The following FNDC3A variants were observed in gnomAD, a reference collection of about 807,000 sequenced individuals.
The protein encoded by FNDC3A is fibronectin type-III domain-containing protein 3A.
In FNDC3A, 32 loss-of-function variants were observed where a neutral mutation model predicts 148.9. The ratio of observed to expected loss-of-function variants is 0.21; its 90% confidence interval spans 0.16 to 0.29. The LOEUF (loss-of-function observed/expected upper bound fraction) is 0.29, where lower values mean the gene tolerates loss of function less well. Ranked by LOEUF, FNDC3A falls within the 10% of genes least tolerant of loss-of-function variation. FNDC3A has a pLI of 1.00. For synonymous variants in FNDC3A, 472 were observed against 473.6 expected (o/e 1.00, Z 0.04); for missense variants, 1,191 against 1,452.8 (o/e 0.82, Z 2.93).
chr13:49,010,470 G>A (rs1952317412), intron 2 of FNDC3A, among the ~76,000 whole-genome samples: 1 of 152,244 alleles, frequency 6.6e-6, no homozygotes, highest in South Asian at 2.1e-4. Context: ...AGAACATCAG[G>A]AATACAGAAA....
At chr13:48,975,820 G>C (rs986536497), upstream of FNDC3A, 1 of 151,656 alleles carries the variant, frequency 6.6e-6, no homozygotes, top group Non-Finnish European at 1.5e-5. Flanking sequence ...CCCCGGCGCG[G>C]CGGGCTCGAG....
intron 2 of FNDC3A, among the ~76,000 whole-genome samples, chr13:49,071,471 TATA>T (rs1355078993): frequency 6.6e-6 from 1 of 152,188 alleles, no homozygotes; most frequent in Non-Finnish European, 1.5e-5. Flanking sequence ...CCCTAATGGC[TATA>T]ATAATTTACA....
chr13:49,165,354 A>G (rs566610042), intron 8 of FNDC3A, among the ~76,000 whole-genome samples: 5 of 152,142 alleles, frequency 3.3e-5, no homozygotes, highest in Non-Finnish European at 5.9e-5. Flanking sequence ...AGATGCATCT[A>G]TTGTGTTGGT....
At chr13:49,132,259 G>GC (rs1882081337) in intron 5 of FNDC3A, among the ~76,000 whole-genome samples, 2 of 152,008 alleles carry the variant, frequency 1.3e-5, no homozygotes, top group African/African-American at 4.8e-5. Flanking sequence ...TTCCATTCTT[G>GC]CCCTCAATAA....
At chr13:49,164,542 C>G (rs1884348539) in intron 8 of FNDC3A, among the ~76,000 whole-genome samples, 1 of 151,952 alleles carries the variant, frequency 6.6e-6, no homozygotes, top group South Asian at 2.1e-4. Context: ...ACCAAAAATT[C>G]AAATATTTGG....
chr13:49,103,841 G>C (rs1439848487), intron 3 of FNDC3A, among the ~76,000 whole-genome samples: 4 of 152,196 alleles, frequency 2.6e-5, no homozygotes, highest in African/African-American at 9.7e-5. Context: ...AACTGGTTTT[G>C]AGTTTTATGT....
intron 3 of FNDC3A, among the ~76,000 whole-genome samples, chr13:49,078,589 A>G (rs1244346468): frequency 6.6e-6 from 1 of 152,236 alleles, no homozygotes. Context: ...ACAAGATGGA[A>G]TATGGGTGGA....
chr13:49,129,388 T>C (rs535476682), intron 4 of FNDC3A, among the ~76,000 whole-genome samples: 1 of 152,316 alleles, frequency 6.6e-6, no homozygotes, highest in South Asian at 2.1e-4. Context: ...TGGAACCAGG[T>C]TGAATGAATA....
At chr13:49,004,859 A>G (rs973130689) in intron 1 of FNDC3A, among the ~76,000 whole-genome samples, 4 of 152,026 alleles carry the variant, frequency 2.6e-5, no homozygotes, top group Non-Finnish European at 5.9e-5. Flanking sequence ...GTGATATGCA[A>G]GTGGGAGAAA....
intron 2 of FNDC3A, among the ~76,000 whole-genome samples, chr13:49,072,310 G>T (rs1217678521): frequency 4.6e-5 from 7 of 151,936 alleles, no homozygotes; most frequent in Non-Finnish European, 7.4e-5. Flanking sequence ...TTCCTTTGAT[G>T]AAAATGAATT....
chr13:49,162,062 GGTGAATCTGACAGTTAT>G (rs1488167466), intron 8 of FNDC3A, among the ~76,000 whole-genome samples: 1 of 152,054 alleles, frequency 6.6e-6, no homozygotes, highest in Non-Finnish European at 1.5e-5. Flanking sequence ...TTTCAACTTT[GGTGAATCTGACAGTTAT>G]GTGTCTTGGG....
chr13:49,017,641 A>G (rs920327760), intron 2 of FNDC3A, among the ~76,000 whole-genome samples: 5 of 151,782 alleles, frequency 3.3e-5, no homozygotes, highest in Non-Finnish European at 5.9e-5. Flanking sequence ...TGATCCTGTC[A>G]TTATGATGTT....
intron 2 of FNDC3A, among the ~76,000 whole-genome samples, chr13:49,018,521 T>G (rs2137634211): frequency 6.6e-6 from 1 of 152,414 alleles, no homozygotes; most frequent in Non-Finnish European, 1.5e-5. Flanking sequence ...TTTTCAAAGT[T>G]TTCAACTTCT....
At chr13:49,197,034 T>A (rs773345875) in intron 20 of FNDC3A, 44 bp downstream of exon 20, 3 of 1,112,590 alleles carry the variant, frequency 2.7e-6, no homozygotes, top group South Asian at 1.3e-5. Context: ...CTTAAGTGAA[T>A]AGAATAGTTT....
At chr13:49,193,537 C>T (rs1368092553) in intron 19 of FNDC3A, among the ~76,000 whole-genome samples, 1 of 152,168 alleles carries the variant, frequency 6.6e-6, no homozygotes, top group African/African-American at 2.4e-5. Flanking sequence ...GGTGGGATTA[C>T]AGGCATGAGC....
At chr13:49,130,385 C>T (rs1239485307) in intron 4 of FNDC3A, among the ~76,000 whole-genome samples, 1 of 152,102 alleles carries the variant, frequency 6.6e-6, no homozygotes, top group African/African-American at 2.4e-5. Flanking sequence ...CATCCAAATT[C>T]TAACATGTCA....
intron 10 of FNDC3A, among the ~76,000 whole-genome samples, chr13:49,170,915 C>CA (rs1312435666): frequency 6.6e-6 from 1 of 152,116 alleles, no homozygotes; most frequent in African/African-American, 2.4e-5. Flanking sequence ...TAGACTAGAG[C>CA]AATCTGGAGT....
chr13:49,055,434 A>G (rs2897634), intron 2 of FNDC3A, among the ~76,000 whole-genome samples: 151,622 of 152,138 alleles, frequency 1, 75,558 homozygotes, highest in Middle Eastern at 1. Context: ...AGGGAGGGTA[A>G]TACATGCCTT....
At chr13:49,014,502 T>C (rs1231198013) in intron 2 of FNDC3A, among the ~76,000 whole-genome samples, 6 of 136,602 alleles carry the variant, frequency 4.4e-5, no homozygotes, top group Non-Finnish European at 6.3e-5. Context: ...ATATTAGCCC[T>C]TTGTCAGATG....
Sources: gnomAD v4.1 joint callset for allele counts (sites outside exome capture counted in the v4.1 genomes callset) on GRCh38, gnomAD v4.1.1 for gene constraint, MANE v1.5 for transcripts, NCBI Gene and HGNC (gene_info 2026-07-23, HGNC 2026-07-21) for gene names.